The following CWH43 variants were observed in gnomAD, a reference collection of about 807,000 sequenced individuals.
The protein encoded by CWH43 is PGAP2-interacting protein.
In CWH43, 91 loss-of-function variants were observed where a neutral mutation model predicts 85.7. The ratio of observed to expected loss-of-function variants is 1.06; its 90% CI spans 0.90 to 1.26. CWH43 has a LOEUF of 1.26. CWH43 is among the 50% of genes most tolerant of loss of function. The pLI is 0.00. For synonymous variants in CWH43, 323 were observed against 293.6 expected (o/e 1.10, Z -1.02); for missense variants, 869 against 839.2 (o/e 1.04, Z -0.44).
chr4:49,010,894 A>C (rs1298766150), intron 8 of CWH43, among the ~76,000 whole-genome samples: 3 of 152,188 alleles, frequency 2.0e-5, no homozygotes, highest in Admixed American at 2.0e-4. Context: ...CTTTACTTCC[A>C]TTTATGTGGT....
intron 13 of CWH43, among the ~76,000 whole-genome samples, chr4:49,039,553 T>C (rs2109821527): frequency 6.7e-6 from 1 of 149,878 alleles, no homozygotes; most frequent in South Asian, 2.1e-4. Flanking sequence ...TTCAACTTCA[T>C]GTCTTGAGAT....
At chr4:49,043,400 CGTGA>C (rs1784527859) in intron 13 of CWH43, among the ~76,000 whole-genome samples, 1 of 152,072 alleles carries the variant, frequency 6.6e-6, no homozygotes, top group Admixed American at 6.6e-5. Flanking sequence ...TGCATGTGCA[CGTGA>C]GTGTGTGTGA....
intron 5 of CWH43, among the ~76,000 whole-genome samples, chr4:48,995,283 G>T (rs1782777910): frequency 6.6e-6 from 1 of 152,222 alleles, no homozygotes; most frequent in Non-Finnish European, 1.5e-5. Context: ...GGCAGCCCCA[G>T]GAGATCCCTG....
At chr4:49,061,714 T>C in intron 15 of CWH43, 98 bp from the exon 16 acceptor site, 10 of 1,028,430 alleles carry the variant, frequency 9.7e-6, no homozygotes, top group Non-Finnish European at 1.3e-5. Context: ...TTTATTCATT[T>C]GCTATTTTAT....
chr4:49,006,669 A>G (rs1398266696), intron 7 of CWH43, among the ~76,000 whole-genome samples: 2 of 152,146 alleles, frequency 1.3e-5, no homozygotes, highest in African/African-American at 2.4e-5. Flanking sequence ...GCATATCCCA[A>G]TTTAGCTCCA....
chr4:49,054,556 AT>A (rs955315564), intron 15 of CWH43, among the ~76,000 whole-genome samples: 6 of 152,086 alleles, frequency 3.9e-5, no homozygotes, highest in Non-Finnish European at 8.8e-5. Context: ...TGTCATTGGA[AT>A]TTTGATAAGG....
At chr4:49,014,464 A>AG (rs998223278) in intron 8 of CWH43, among the ~76,000 whole-genome samples, 5 of 151,510 alleles carry the variant, frequency 3.3e-5, no homozygotes, top group Admixed American at 6.6e-5. Context: ...GACTCAAAAA[A>AG]AAAAAAAAAA....
At chr4:49,049,534 GCAACAA>G (rs1033378831) in intron 14 of CWH43, among the ~76,000 whole-genome samples, 2 of 151,278 alleles carry the variant, frequency 1.3e-5, no homozygotes, top group African/African-American at 2.4e-5. Context: ...AAAAAAAACA[GCAACAA>G]CAACAACAAC....
intron 13 of CWH43, among the ~76,000 whole-genome samples, chr4:49,041,151 G>C (rs1227885953): frequency 6.6e-6 from 1 of 152,152 alleles, no homozygotes; most frequent in Non-Finnish European, 1.5e-5. Flanking sequence ...CTGTAGCCTT[G>C]TAGTATAGTT....
intron 6 of CWH43, among the ~76,000 whole-genome samples, chr4:48,998,880 T>C (rs1782902066): frequency 6.6e-6 from 1 of 152,228 alleles, no homozygotes; most frequent in African/African-American, 2.4e-5. Context: ...TCTTGATTTT[T>C]AATTAAAGTA....
intron 9 of CWH43, among the ~76,000 whole-genome samples, chr4:49,023,462 C>T (rs576439181): frequency 6.6e-6 from 1 of 152,312 alleles, no homozygotes; most frequent in Non-Finnish European, 1.5e-5. Flanking sequence ...GCAACCTCTA[C>T]CTCCCAGGTT....
chr4:49,044,896 T>C, intron 14 of CWH43, 49 bp downstream of exon 14: 2 of 1,483,434 alleles, frequency 1.3e-6, no homozygotes, highest in Non-Finnish European at 1.9e-6. Context: ...TAATGTGATC[T>C]TTTGGGTCTG....
intron 9 of CWH43, among the ~76,000 whole-genome samples, chr4:49,020,676 C>A (rs1274745674): frequency 6.6e-6 from 1 of 151,942 alleles, no homozygotes; most frequent in Non-Finnish European, 1.5e-5. Context: ...TTCCCACAGA[C>A]AGTGTAAAAG....
intron 4 of CWH43, among the ~76,000 whole-genome samples, chr4:48,993,264 C>T (rs1782712356): frequency 6.6e-6 from 1 of 152,122 alleles, no homozygotes; most frequent in Non-Finnish European, 1.5e-5. Context: ...GGTGGAGTCA[C>T]CCACTGTAAT....
At chr4:49,057,200 A>G (rs1784993935) in intron 15 of CWH43, among the ~76,000 whole-genome samples, 1 of 152,212 alleles carries the variant, frequency 6.6e-6, no homozygotes, top group East Asian at 1.9e-4. Context: ...GGTCCTGACG[A>G]CATGTGCCTA....
chr4:49,048,995 T>TGGAG (rs1338293603), intron 14 of CWH43, among the ~76,000 whole-genome samples: 1 of 152,102 alleles, frequency 6.6e-6, no homozygotes, highest in Non-Finnish European at 1.5e-5. Flanking sequence ...CAATGGGAGA[T>TGGAG]CCTCTGTTTT....
intron 12 of CWH43, among the ~76,000 whole-genome samples, chr4:49,034,620 T>G (rs1784207497): frequency 6.6e-6 from 1 of 152,160 alleles, no homozygotes; most frequent in Non-Finnish European, 1.5e-5. Context: ...TAGTGAACAC[T>G]TATTGATGAT....
At chr4:49,054,932 T>G (rs1282989965) in intron 15 of CWH43, among the ~76,000 whole-genome samples, 1 of 152,060 alleles carries the variant, frequency 6.6e-6, no homozygotes, top group Non-Finnish European at 1.5e-5. Flanking sequence ...TATATATATA[T>G]ATAATCATGT....
At chr4:49,050,890 C>T (rs1577712185) in intron 15 of CWH43, 41 bp downstream of exon 15, 1 of 1,477,768 alleles carries the variant, frequency 6.8e-7, no homozygotes, top group Non-Finnish European at 9.3e-7. Context: ...TGAGCTACTG[C>T]ATCCCTCTAT....
Sources: gnomAD v4.1 joint callset for allele counts (sites outside exome capture counted in the v4.1 genomes callset) on GRCh38, gnomAD v4.1.1 for gene constraint, MANE v1.5 for transcripts, NCBI Gene and HGNC (gene_info 2026-07-23, HGNC 2026-07-21) for gene names.